ADGB: variants seen among roughly 807,000 people sequenced by gnomAD.
The protein encoded by ADGB is calpain-7-like protein.
In ADGB, 172 loss-of-function variants were observed where a neutral mutation model predicts 210.5. The observed-to-expected ratio is 0.82, with a 90% CI of 0.72 to 0.93. The LOEUF (loss-of-function observed/expected upper bound fraction) is 0.93, where lower values mean the gene tolerates loss of function less well. Ranked by LOEUF, ADGB falls within the 40% of genes least tolerant of loss-of-function variation. ADGB has a pLI of 0.00. For missense variants in ADGB, 2,025 were observed against 1,964.8 expected, an observed-to-expected ratio of 1.03 and a Z score of -0.58; for synonymous variants, 658 against 662.7, an observed-to-expected ratio of 0.99 and a Z score of 0.11.
intron 25 of ADGB, among the ~76,000 whole-genome samples, chr6:146,745,603 G>T (rs1335014070): frequency 6.6e-6 from 1 of 152,188 alleles, no homozygotes; most frequent in Non-Finnish European, 1.5e-5. Flanking sequence ...ATGGTGCAAT[G>T]ATAAAAATCT....
At position 146,633,437 on chromosome 6, in the gene ADGB, TC is replaced by T. The variant is rs1303304836; in HGVS notation, c.75-1933del. 8.6e-5 allele frequency among the ~76,000 whole-genome samples: 13 copies of T among 151,244 alleles called. 1 individual carries two copies. The highest frequency in any genetic ancestry group is 2.0e-4 in the Admixed American group (3 of 15,142). ...CTTATCTCACTCAGAGTAAAGACCC[TC>T]CCCCTGCCTTAGATCACCTTGACAA... On this transcript the variant is annotated intron_variant, in intron 1 of 35. Coordinates refer to ENST00000397944, the MANE Select transcript of ADGB (RefSeq NM_024694.4).
intron 2 of ADGB, among the ~76,000 whole-genome samples, chr6:146,642,158 A>G (rs1333024550): frequency 6.6e-6 from 1 of 151,780 alleles, no homozygotes; most frequent in Non-Finnish European, 1.5e-5. Context: ...ATATGAAAAA[A>G]AGCTCAATAT....
At chr6:146,731,357 C>A (rs376021466) in intron 20 of ADGB, among the ~76,000 whole-genome samples, 23 of 143,606 alleles carry the variant, frequency 1.6e-4, no homozygotes, top group Admixed American at 1.4e-4. Context: ...CACCATATGA[C>A]AAAAAAAAAA....
chr6:146,795,222 A>C (rs1778022185), intron 33 of ADGB, among the ~76,000 whole-genome samples: 1 of 152,182 alleles, frequency 6.6e-6, no homozygotes, highest in Non-Finnish European at 1.5e-5. Context: ...GCAATGTAGT[A>C]TATCAATTGC....
In ADGB at chr6:146,784,718, A is replaced by T. The variant is rs565280712; in HGVS notation, c.4136A>T (p.Lys1379Met). ...HNESELFEVK[K>M]DTERADEIRA... The stretch of plus-strand genomic sequence containing the variant: ...GAATCAGAATTATTTGAAGTGAAAA[A>T]GGATACAGAAAGGGCAGATGAAATC... The change falls in exon 31 of 36, where the codon AAG becomes ATG. Residue 1379 changes from lysine to methionine, a missense_variant. Physicochemically the swap from Lys to Met is moderately conservative, Grantham distance 95 (BLOSUM62 -1). Transcript: ENST00000397944. The T allele has an allele frequency of 1.3e-4, 202 of 1,551,016 alleles. 1 individual carries two copies. In the South Asian group the frequency reaches 2.3e-3, roughly 17 times the overall value.
At chr6:146,807,103 T>G (rs1778222961) in intron 35 of ADGB, among the ~76,000 whole-genome samples, 1 of 152,218 alleles carries the variant, frequency 6.6e-6, no homozygotes, top group African/African-American at 2.4e-5. Flanking sequence ...TAATATCTCA[T>G]ATAGATTATA....
chr6:146,780,294 TAA>T (rs1451852309), intron 29 of ADGB, among the ~76,000 whole-genome samples: 1 of 151,590 alleles, frequency 6.6e-6, no homozygotes, highest in Non-Finnish European at 1.5e-5. Flanking sequence ...AATTGAGAAA[TAA>T]AAAACAAGGT....
At chr6:146,788,296 TA>T in intron 32 of ADGB, 92 bp from the exon 33 acceptor site, 2 of 1,163,618 alleles carry the variant, frequency 1.7e-6, no homozygotes, top group Non-Finnish European at 2.5e-6. Context: ...TCATCTGCTC[TA>T]AATCTGTGCT....
At chr6:146,691,422 A>ATATATATTTT (rs1562275459) in intron 11 of ADGB, 132 bp downstream of exon 11, 1 of 56,370 alleles carries the variant, frequency 1.8e-5, no homozygotes, top group African/African-American at 1.6e-4. Flanking sequence ...ATATATATAT[A>ATATATATTTT]TATATATATA....
At chr6:146,700,794 A>C in intron 12 of ADGB, 147 bp from the exon 13 acceptor site, 1 of 893,256 alleles carries the variant, frequency 1.1e-6, no homozygotes, top group Non-Finnish European at 1.7e-6. Flanking sequence ...AACATGAGGT[A>C]AAAAACATTA....
intron 26 of ADGB, among the ~76,000 whole-genome samples, chr6:146,751,164 T>C (rs912678748): frequency 7.3e-6 from 1 of 137,290 alleles, no homozygotes; most frequent in African/African-American, 2.7e-5. Flanking sequence ...GAGTAAGTGT[T>C]GTTCCCCTCC....
intron 12 of ADGB, among the ~76,000 whole-genome samples, chr6:146,698,033 A>C (rs1776433239): frequency 6.6e-6 from 1 of 152,184 alleles, no homozygotes; most frequent in Non-Finnish European, 1.5e-5. Context: ...GAAAAGAACA[A>C]TTTTAAAAAG....
At chr6:146,610,851 C>T (rs552416661) in intron 1 of ADGB, among the ~76,000 whole-genome samples, 1 of 152,242 alleles carries the variant, frequency 6.6e-6, no homozygotes, top group African/African-American at 2.4e-5. Context: ...TTGTCAGGGT[C>T]CACATGCACG....
intron 32 of ADGB, 76 bp from the exon 33 acceptor site, chr6:146,788,313 C>A: frequency 2.3e-6 from 3 of 1,312,284 alleles, no homozygotes; most frequent in South Asian, 1.3e-5. Context: ...GTGCTCCCAT[C>A]ATCAAGCCCT....
intron 35 of ADGB, among the ~76,000 whole-genome samples, chr6:146,804,692 C>T (rs1778185122): frequency 6.6e-6 from 1 of 152,166 alleles, no homozygotes; most frequent in African/African-American, 2.4e-5. Flanking sequence ...ATTGCTATAG[C>T]CCAGTTACTG....
intron 20 of ADGB, 89 bp downstream of exon 20, chr6:146,728,830 C>A: frequency 1.8e-6 from 2 of 1,085,526 alleles, no homozygotes; most frequent in Non-Finnish European, 2.5e-6. Flanking sequence ...CAAATCAGAG[C>A]CAGAGAAAAT....
intron 9 of ADGB, among the ~76,000 whole-genome samples, chr6:146,677,781 T>C (rs996250544): frequency 1.3e-5 from 2 of 152,206 alleles, no homozygotes; most frequent in African/African-American, 4.8e-5. Flanking sequence ...GCTCCAACAC[T>C]GAGTGTATAA....
At chr6:146,680,419 T>C (rs1776142677) in intron 9 of ADGB, among the ~76,000 whole-genome samples, 1 of 152,174 alleles carries the variant, frequency 6.6e-6, no homozygotes, top group African/African-American at 2.4e-5. Context: ...TTTAAGTCAT[T>C]TTTTAGTGTG....
intron 33 of ADGB, among the ~76,000 whole-genome samples, chr6:146,790,890 G>A (rs992438898): frequency 6.6e-6 from 1 of 152,096 alleles, no homozygotes; most frequent in African/African-American, 2.4e-5. Flanking sequence ...CAATGTAACA[G>A]GTATGAGGTA....
Sources: allele counts gnomAD v4.1 joint callset (sites outside exome capture counted in the v4.1 genomes callset), GRCh38; gene constraint gnomAD v4.1.1; transcripts MANE v1.5; gene names NCBI Gene and HGNC (gene_info 2026-07-23, HGNC 2026-07-21).